Variants in RAD50 observed in about 807,000 individuals in gnomAD.
RAD50 encodes the protein RAD50 double strand break repair protein.
In RAD50, 132 loss-of-function variants were observed where a neutral mutation model predicts 168.8. The ratio of observed to expected loss-of-function variants is 0.78; its 90% confidence interval spans 0.68 to 0.90. The LOEUF is 0.90. RAD50 is among the 40% of genes least tolerant of loss of function. The pLI, the probability that RAD50 is intolerant of heterozygous loss-of-function variation, is 0.00. For missense variants in RAD50, 1,347 were observed against 1,534.4 expected (o/e 0.88, Z 2.04); for synonymous variants, 525 against 497.4 (o/e 1.06, Z -0.74).
chr5:132,612,570 C>T (rs567269384), intron 19 of RAD50, among the ~76,000 whole-genome samples: 21 of 152,304 alleles, frequency 1.4e-4, no homozygotes, highest in African/African-American at 5.1e-4. Flanking sequence ...CACAGTGGCT[C>T]ATGCCTGTAA....
intron 23 of RAD50, 64 bp from the exon 24 acceptor site, chr5:132,640,608 C>G (rs1751696753): frequency 1.2e-6 from 2 of 1,603,592 alleles, no homozygotes; most frequent in African/African-American, 1.3e-5. Flanking sequence ...CATGTCAGGA[C>G]TGCTTGCCTG....
At chr5:132,623,964 G>T (rs945270948) in intron 21 of RAD50, among the ~76,000 whole-genome samples, 1 of 152,204 alleles carries the variant, frequency 6.6e-6, no homozygotes, top group Non-Finnish European at 1.5e-5. Flanking sequence ...TAGGAAGTAC[G>T]TAATCATGTA....
At chr5:132,560,051 T>TACACACACACAC (rs143575412) in intron 2 of RAD50, among the ~76,000 whole-genome samples, 4 of 147,578 alleles carry the variant, frequency 2.7e-5, no homozygotes, top group African/African-American at 1.0e-4. Context: ...GAAACAACAA[T>TACACACACACAC]ACACACACAC....
intron 23 of RAD50, among the ~76,000 whole-genome samples, chr5:132,639,412 C>G (rs1246284145): frequency 6.6e-6 from 1 of 150,694 alleles, no homozygotes; most frequent in South Asian, 2.1e-4. Context: ...TCAGCCTAGA[C>G]AGCTGATCCC....
At chr5:132,570,854 T>C (rs1344143681) in intron 2 of RAD50, among the ~76,000 whole-genome samples, 2 of 152,262 alleles carry the variant, frequency 1.3e-5, no homozygotes, top group African/African-American at 2.4e-5. Flanking sequence ...CAACCTGTTT[T>C]GGATTTTGAC....
intron 5 of RAD50, 32 bp downstream of exon 5, chr5:132,580,098 TTG>T: frequency 6.6e-7 from 1 of 1,519,860 alleles, no homozygotes; most frequent in Non-Finnish European, 9.1e-7. Flanking sequence ...TTGACAAAAA[TTG>T]TATATCTTTA....
chr5:132,588,708 A>C lies in RAD50; in HGVS notation c.1073A>C (p.Asp358Ala), dbSNP rs1185438471. 6.2e-7 allele frequency: 1 copy of C among 1,613,924 alleles called. No individual in the cohort carries two copies. The highest frequency in any genetic ancestry group is 8.5e-7 in the Non-Finnish European group (1 of 1,179,900). ...VEQGRLQLQA[D>A]RHQEHIRARD... ...AAAGGTCGTCTACAGCTGCAAGCAGATCGCCATCAAGAACATATCCGAGCT... is the reference window on the plus strand; with the variant it reads ...AAAGGTCGTCTACAGCTGCAAGCAGCTCGCCATCAAGAACATATCCGAGCT... Residue 358 changes from aspartate (D) to alanine (A), a missense_variant, in exon 8 of 25, where the codon GAT (aspartate) becomes GCT (alanine). Coordinates refer to ENST00000378823, the MANE Select transcript of RAD50 (RefSeq NM_005732.4).
intron 5 of RAD50, among the ~76,000 whole-genome samples, chr5:132,581,337 C>T (rs1211325948): frequency 2.0e-5 from 3 of 151,932 alleles, no homozygotes; most frequent in Non-Finnish European, 4.4e-5. Context: ...TCAGGCTGGT[C>T]GCGAACTCCC....
chr5:132,598,022 A>T (rs1198845275), intron 13 of RAD50, among the ~76,000 whole-genome samples: 1 of 151,608 alleles, frequency 6.6e-6, no homozygotes, highest in Non-Finnish European at 1.5e-5. Flanking sequence ...ACATCGTATT[A>T]TATTTTAGGA....
chr5:132,618,554 T>C (rs1010551738), intron 21 of RAD50, among the ~76,000 whole-genome samples: 1 of 152,078 alleles, frequency 6.6e-6, no homozygotes, highest in Non-Finnish European at 1.5e-5. Context: ...AATCTTGTAT[T>C]TTTAGTAGAG....
At chr5:132,585,060 G>C (rs1750571923) in intron 5 of RAD50, among the ~76,000 whole-genome samples, 1 of 152,100 alleles carries the variant, frequency 6.6e-6, no homozygotes, top group African/African-American at 2.4e-5. Context: ...TAACAAACCT[G>C]CATGTTGTGC....
intron 11 of RAD50, chr5:132,593,553 AG>A (rs1275433507): frequency 1.3e-5 from 2 of 152,232 alleles, no homozygotes; most frequent in African/African-American, 2.4e-5. Flanking sequence ...CATTATAAAA[AG>A]TGATCATGTT....
intron 13 of RAD50, among the ~76,000 whole-genome samples, chr5:132,596,073 T>C (rs1289933271): frequency 6.6e-6 from 1 of 152,136 alleles, no homozygotes; most frequent in Non-Finnish European, 1.5e-5. Context: ...TCTTGGCTCA[T>C]TGCAACCTCC....
Position 132,643,938 on chromosome 5 carries a change from A to G in RAD50, c.*1574A>G, listed in dbSNP as rs182994807. On this transcript the variant is annotated 3_prime_UTR_variant, in exon 25 of 25. Coordinates refer to ENST00000378823, the MANE Select transcript of RAD50 (RefSeq NM_005732.4). ...GCAGCTATATTTGATAAAATTCAAC[A>G]TCTCCTAGCTTTAGCAAACTCACAG... 4.4e-4 allele frequency: 101 copies of G among 230,504 alleles called. No individual in the cohort carries two copies. The East Asian group carries it at 6.3e-3, about 14-fold the overall frequency. The allele number at this position is 230,504 out of a possible 1,614,324, so 14.3% of individuals were successfully genotyped here.
In RAD50 at chr5:132,581,164, G is replaced by C. The variant is rs950816249; in HGVS notation, c.756+1098G>C. On this transcript the variant is annotated intron_variant, in intron 5 of 24. Transcript: ENST00000378823. The stretch of plus-strand genomic sequence containing the variant: ...TGCCCAGGCTGGAGTGCAGTGGCAC[G>C]ATCTCGGCTCACTGCAACCTCTGCC... 2.0e-5 allele frequency among the ~76,000 whole-genome samples: 3 copies of C among 151,948 alleles called. No individual in the cohort carries two copies. In the South Asian group the frequency reaches 6.2e-4, roughly 32 times the overall value.
At chr5:132,619,713 G>T (rs919496197) in intron 21 of RAD50, among the ~76,000 whole-genome samples, 8 of 150,988 alleles carry the variant, frequency 5.3e-5, no homozygotes, top group Admixed American at 5.3e-4. Flanking sequence ...ATTTGATTTT[G>T]AGTTAGTTGA....
At chr5:132,594,448 A>G (rs993843830) in intron 11 of RAD50, among the ~76,000 whole-genome samples, 4 of 152,170 alleles carry the variant, frequency 2.6e-5, no homozygotes, top group Admixed American at 6.5e-5. Context: ...GACAGCAACA[A>G]GGAGGGGGAG....
chr5:132,620,993 G>A (rs149380696), intron 21 of RAD50, among the ~76,000 whole-genome samples: 5 of 152,082 alleles, frequency 3.3e-5, no homozygotes, highest in Non-Finnish European at 5.9e-5. Context: ...TTGCTGTCTC[G>A]GATGGCAGAG....
chr5:132,562,598 A>C (rs919403379), intron 2 of RAD50, among the ~76,000 whole-genome samples: 4 of 152,072 alleles, frequency 2.6e-5, no homozygotes, highest in Non-Finnish European at 5.9e-5. Context: ...ATTTGGGTGG[A>C]TCTGGTTTAA....
Sources: allele counts gnomAD v4.1 joint callset (sites outside exome capture counted in the v4.1 genomes callset), GRCh38; gene constraint gnomAD v4.1.1; transcripts MANE v1.5; gene names NCBI Gene and HGNC (gene_info 2026-07-23, HGNC 2026-07-21).